Variants in GALK2 observed in about 807,000 individuals in gnomAD.
GALK2 encodes galactokinase 2.
Under a neutral mutation model 52.4 loss-of-function variants are expected in GALK2, and 36 were observed. The ratio of observed to expected loss-of-function variants is 0.69; its 90% CI spans 0.53 to 0.91. The LOEUF (loss-of-function observed/expected upper bound fraction) is 0.91, where lower values mean the gene tolerates loss of function less well. Among genes scored for constraint, GALK2 ranks in the 40% least tolerant of loss-of-function variants. The probability of loss-of-function intolerance (pLI) is 0.00; values close to 1 mark genes in which losing one functional copy is unlikely to be tolerated. For missense variants in GALK2, 579 were observed against 559.1 expected (o/e 1.04, Z -0.36); for synonymous variants, 176 against 199.1 (o/e 0.88, Z 0.98).
chr15:49,349,353 T>C (rs2041942126), intron 3 of GALK2, among the ~76,000 whole-genome samples: 1 of 152,098 alleles, frequency 6.6e-6, no homozygotes, highest in African/African-American at 2.4e-5. Context: ...ACTGGCAGAG[T>C]TTATAAAAGG....
rs187841905 is a variant in GALK2 at position 49,365,201 on chromosome 15, T to C, written c.427-2290T>C. Reference sequence around the variant, plus strand: ...ATAATACAGATGGTCCATCATCTGATAGCTGTTACCTTTCCAGAACTTTTT... The same window carrying C: ...ATAATACAGATGGTCCATCATCTGACAGCTGTTACCTTTCCAGAACTTTTT... On this transcript the variant is annotated intron_variant, in intron 3 of 3. Coordinates refer to the GALK2 transcript ENST00000558399. The C allele has an allele frequency of 2.5e-5, 21 of 839,894 alleles. No homozygotes were observed. In the Admixed American group the frequency reaches 2.7e-4, roughly 11 times the overall value. The allele number at this position is 839,894 out of a possible 1,614,324, so 52.0% of individuals were successfully genotyped here.
chr15:49,366,701 G>C (rs1487042526), intron 3 of GALK2: 15 of 1,393,636 alleles, frequency 1.1e-5, no homozygotes, highest in Non-Finnish European at 1.4e-5. Context: ...GGTGGGTGGC[G>C]GGTGGGGTGG....
At chr15:49,265,280 G>A (rs1036457068) in intron 5 of GALK2, among the ~76,000 whole-genome samples, 9 of 152,194 alleles carry the variant, frequency 5.9e-5, no homozygotes, top group Admixed American at 2.0e-4. Context: ...GCAATGGCGC[G>A]CGCCCTCCCC....
intron 3 of GALK2, among the ~76,000 whole-genome samples, chr15:49,340,413 TC>T (rs1185588384): frequency 0.013 from 849 of 64,488 alleles, 4 homozygotes; most frequent in African/African-American, 0.038. Flanking sequence ...GCCCCCCCCC[TC>T]CCCCCCCCGC....
chr15:49,365,945 CAT>C (rs2045101411), intron 3 of GALK2: 1 of 899,848 alleles, frequency 1.1e-6, no homozygotes, highest in Non-Finnish European at 1.9e-6. Flanking sequence ...GCTATCATAA[CAT>C]AAACTAACCA....
chr15:49,286,951 A>G (rs917343061), intron 7 of GALK2, among the ~76,000 whole-genome samples: 4 of 152,214 alleles, frequency 2.6e-5, no homozygotes, highest in African/African-American at 9.7e-5. Flanking sequence ...AACAAGTATT[A>G]GACATGTAAA....
At chr15:49,297,914 A>T (rs935110577) in intron 8 of GALK2, among the ~76,000 whole-genome samples, 9 of 139,416 alleles carry the variant, frequency 6.5e-5, no homozygotes, top group African/African-American at 2.3e-4. Context: ...CCCATTTTTT[A>T]TTTGAATTTT....
intron 3 of GALK2, among the ~76,000 whole-genome samples, chr15:49,221,560 A>C (rs910681477): frequency 6.6e-6 from 1 of 151,936 alleles, no homozygotes; most frequent in Non-Finnish European, 1.5e-5. Flanking sequence ...CCAGCTACTC[A>C]GGAGGCTGAG....
chr15:49,333,523 C>T (rs866256567), downstream of GALK2, among the ~76,000 whole-genome samples: 26 of 152,148 alleles, frequency 1.7e-4, no homozygotes, highest in Middle Eastern at 0.01. Flanking sequence ...AAGAGTCACC[C>T]GGAATGGAAC....
At chr15:49,294,071 G>A (rs2034202937) in intron 8 of GALK2, among the ~76,000 whole-genome samples, 2 of 148,806 alleles carry the variant, frequency 1.3e-5, no homozygotes, top group African/African-American at 4.9e-5. Flanking sequence ...CTGCACTCCA[G>A]GGGGAGACCC....
At chr15:49,265,044 G>A (rs2092304265) in intron 5 of GALK2, among the ~76,000 whole-genome samples, 1 of 152,178 alleles carries the variant, frequency 6.6e-6, no homozygotes, top group African/African-American at 2.4e-5. Flanking sequence ...CACTTGAGGA[G>A]GCAGTCTGCC....
intron 3 of GALK2, among the ~76,000 whole-genome samples, chr15:49,344,448 G>A (rs1016578053): frequency 6.6e-6 from 1 of 152,106 alleles, no homozygotes; most frequent in South Asian, 2.1e-4. Context: ...AATATAGCAT[G>A]GTACTAACTT....
intron 5 of GALK2, among the ~76,000 whole-genome samples, chr15:49,256,072 A>G (rs1304438237): frequency 6.6e-6 from 1 of 152,186 alleles, no homozygotes; most frequent in East Asian, 1.9e-4. Context: ...GCAGTCACTT[A>G]GGGTTTGTAT....
intron 9 of GALK2, 150 bp downstream of exon 9, chr15:49,319,955 T>A: frequency 1.5e-6 from 1 of 687,720 alleles, no homozygotes. Flanking sequence ...GCTACACTTG[T>A]TCCCTTCTAA....
rs116102424 is a variant in GALK2, at chr15:49,206,064, G to T, written c.142+4814G>T. Among the ~76,000 whole-genome samples the T allele has an allele frequency of 4.3e-3, 650 of 152,132 alleles. 11 individuals are homozygous for T. Among genetic ancestry groups the T allele is most frequent in the African/African-American group, 0.015 (621 of 41,510 alleles). On this transcript the variant is annotated intron_variant, in intron 2 of 9. Coordinates refer to ENST00000560031, the MANE Select transcript of GALK2 (RefSeq NM_002044.4). ...TATAAGTATTTGGGTTTATTTGTGCGTTCTCTATTTTGTTCCATTGGTCTA... is the reference window on the plus strand; with the variant it reads ...TATAAGTATTTGGGTTTATTTGTGCTTTCTCTATTTTGTTCCATTGGTCTA...
intron 5 of GALK2, among the ~76,000 whole-genome samples, chr15:49,277,213 G>A (rs1350813501): frequency 9.0e-6 from 1 of 111,296 alleles, no homozygotes; most frequent in Non-Finnish European, 1.8e-5. Flanking sequence ...CTGTCGCCCA[G>A]GCTGGAGTGC....
intron 2 of GALK2, among the ~76,000 whole-genome samples, chr15:49,205,669 A>G (rs1250894769): frequency 2.6e-5 from 4 of 152,072 alleles, no homozygotes; most frequent in African/African-American, 4.8e-5. Flanking sequence ...GATTTTCTCC[A>G]ACTCTGTAGG....
chr15:49,192,546 G>A (rs1422872529), intron 1 of GALK2, among the ~76,000 whole-genome samples: 1 of 130,084 alleles, frequency 7.7e-6, no homozygotes, highest in Non-Finnish European at 1.6e-5. Flanking sequence ...TATCTTCAGG[G>A]CAAATTCTTA....
chr15:49,205,455 T>A (rs1156807217), intron 2 of GALK2, among the ~76,000 whole-genome samples: 1 of 152,250 alleles, frequency 6.6e-6, no homozygotes, highest in Non-Finnish European at 1.5e-5. Flanking sequence ...CATTGTGGTT[T>A]TGATTTGCAT....
Sources: gnomAD v4.1 joint callset for allele counts (sites outside exome capture counted in the v4.1 genomes callset) on GRCh38, gnomAD v4.1.1 for gene constraint, MANE v1.5 for transcripts, NCBI Gene and HGNC (gene_info 2026-07-23, HGNC 2026-07-21) for gene names.